The following MOXD1 variants were observed in gnomAD, a reference collection of about 807,000 sequenced individuals.
MOXD1 encodes the protein DBH-like monooxygenase protein 1.
Under a neutral mutation model 66.6 loss-of-function variants are expected in MOXD1, and 62 were observed. The observed-to-expected ratio is 0.93, with a 90% CI of 0.76 to 1.15. The LOEUF (loss-of-function observed/expected upper bound fraction) is 1.15, where lower values mean the gene tolerates loss of function less well. Among genes scored for constraint, MOXD1 ranks in the 50% most tolerant of loss-of-function variants. The pLI, the probability that MOXD1 is intolerant of heterozygous loss-of-function variation, is 0.00. For synonymous variants in MOXD1, 303 were observed against 281.9 expected, an observed-to-expected ratio of 1.07 and a Z score of -0.75; for missense variants, 847 against 754.6, an observed-to-expected ratio of 1.12 and a Z score of -1.44.
intron 4 of MOXD1, among the ~76,000 whole-genome samples, chr6:132,332,696 C>T (rs772632913): frequency 5.9e-5 from 9 of 152,184 alleles, no homozygotes; most frequent in Non-Finnish European, 7.3e-5. Flanking sequence ...CAATGCTTCA[C>T]GCCATGCTTA....
intron 1 of MOXD1, chr6:132,392,122 G>C: frequency 6.9e-7 from 1 of 1,442,098 alleles, no homozygotes; most frequent in Non-Finnish European, 9.2e-7. Flanking sequence ...TTTCTTTGTC[G>C]CCGTTGGCTG....
chr6:132,314,108 A>T (rs1012361776), intron 10 of MOXD1, among the ~76,000 whole-genome samples: 1 of 152,202 alleles, frequency 6.6e-6, no homozygotes, highest in African/African-American at 2.4e-5. Context: ...GTAAGAATAG[A>T]TACATCAACC....
intron 6 of MOXD1, among the ~76,000 whole-genome samples, chr6:132,325,577 C>T (rs1430361297): frequency 6.6e-6 from 1 of 152,176 alleles, no homozygotes; most frequent in Non-Finnish European, 1.5e-5. Flanking sequence ...GTACCTTGTA[C>T]TTGTACTTCT....
Position 132,322,771 on chromosome 6 carries a change from C to T in MOXD1, c.1213G>A (p.Gly405Arg). The change falls in exon 8 of 12, where the codon GGG becomes AGG. Residue 405 changes from glycine to arginine, a missense_variant. Coordinates refer to ENST00000367963, the MANE Select transcript of MOXD1 (RefSeq NM_015529.4). ...RGIRLRHFRK[G>R]KEMKLLAYDD... is the part of the protein sequence containing the mutation. ...TAGGCAAGTAATTTCATTTCCTTCC[C>T]TTTTCGAAAATGACGCAGCCTGATG... 2 of 1,614,042 alleles carry T rather than the reference C, an allele frequency of 1.2e-6. No individual in the cohort carries two copies. The highest frequency in any genetic ancestry group is 3.3e-5 in the Admixed American group (2 of 60,014).
At chr6:132,396,559 A>C (rs1413860005) in intron 1 of MOXD1, among the ~76,000 whole-genome samples, 1 of 28,826 alleles carries the variant, frequency 3.5e-5, no homozygotes, top group Non-Finnish European at 5.1e-5. Context: ...AAACAGAGAC[A>C]AAAAAAATAC....
Position 132,297,152 on chromosome 6 carries a change from A to T in MOXD1, c.*1T>A. On this transcript the variant is annotated 3_prime_UTR_variant, in exon 12 of 12. Transcript: ENST00000367963. ...CATTGTCAAGTCCAACAGAATTTTG[A>T]TCACAAGCTCTTGGTGCTCAGCGTG... 6.2e-7 allele frequency: 1 copy of T among 1,612,824 alleles called. No individual in the cohort carries two copies. Among genetic ancestry groups the T allele is most frequent in the Non-Finnish European group, 8.5e-7 (1 of 1,179,300 alleles).
At chr6:132,314,897 T>A (rs1006932024) in intron 10 of MOXD1, among the ~76,000 whole-genome samples, 1 of 152,212 alleles carries the variant, frequency 6.6e-6, no homozygotes, top group African/African-American at 2.4e-5. Flanking sequence ...ATAGCTCCTA[T>A]AATTGTACCG....
intron 4 of MOXD1, among the ~76,000 whole-genome samples, chr6:132,363,140 A>C (rs1346367424): frequency 6.6e-6 from 1 of 151,862 alleles, no homozygotes; most frequent in Non-Finnish European, 1.5e-5. Flanking sequence ...ACTCAAAAGT[A>C]GTCCAGCAGA....
intron 10 of MOXD1, among the ~76,000 whole-genome samples, chr6:132,309,363 A>T (rs1774771710): frequency 6.6e-6 from 1 of 152,220 alleles, no homozygotes; most frequent in African/African-American, 2.4e-5. Context: ...GCTCAAGGAA[A>T]TAAAAGAGTA....
At chr6:132,353,584 G>C (rs1343167608) in intron 4 of MOXD1, among the ~76,000 whole-genome samples, 9 of 152,020 alleles carry the variant, frequency 5.9e-5, no homozygotes, top group Non-Finnish European at 1.3e-4. Flanking sequence ...TTGTCTCGTA[G>C]GTCTTACACT....
At chr6:132,311,042 A>C (rs1018098908) in intron 10 of MOXD1, among the ~76,000 whole-genome samples, 3 of 152,214 alleles carry the variant, frequency 2.0e-5, no homozygotes, top group Admixed American at 6.5e-5. Context: ...GATGCTCAAC[A>C]CTAAAGTGTA....
chr6:132,377,169 G>A (rs1776407440), intron 1 of MOXD1, among the ~76,000 whole-genome samples: 1 of 152,124 alleles, frequency 6.6e-6, no homozygotes, highest in South Asian at 2.1e-4. Flanking sequence ...CCAAAGTTGA[G>A]GTTTGTCAAA....
intron 4 of MOXD1, among the ~76,000 whole-genome samples, chr6:132,349,153 C>G (rs191803057): frequency 1.3e-5 from 2 of 149,834 alleles, no homozygotes; most frequent in East Asian, 4.0e-4. Context: ...CCCCCAAGTC[C>G]CCAAAGTCCA....
intron 1 of MOXD1, among the ~76,000 whole-genome samples, chr6:132,378,133 C>CA (rs200420133): frequency 1.5e-4 from 23 of 150,608 alleles, no homozygotes; most frequent in African/African-American, 4.4e-4. Flanking sequence ...AACTCCATCT[C>CA]AAAAAAAAAA....
At chr6:132,366,343 A>G (rs560762124) in intron 4 of MOXD1, among the ~76,000 whole-genome samples, 1 of 152,258 alleles carries the variant, frequency 6.6e-6, no homozygotes, top group African/African-American at 2.4e-5. Flanking sequence ...GGTTAAAAAC[A>G]CAAATAACCA....
At chr6:132,317,146 G>T (rs1404286942) in intron 9 of MOXD1, among the ~76,000 whole-genome samples, 2 of 152,108 alleles carry the variant, frequency 1.3e-5, no homozygotes, top group Non-Finnish European at 2.9e-5. Context: ...ATTCACAAGT[G>T]TTGCAAAGGA....
chr6:132,348,001 T>C (rs1014654478), intron 4 of MOXD1, among the ~76,000 whole-genome samples: 7 of 152,138 alleles, frequency 4.6e-5, no homozygotes, highest in Non-Finnish European at 1.0e-4. Flanking sequence ...AGGCTATGGC[T>C]GCATTAAATA....
In MOXD1 at chr6:132,401,181, G is replaced by A. The variant is rs747952943; in HGVS notation, c.246C>T (p.His82=). The change falls in exon 1 of 12, where the codon CAC becomes CAT. Residue 82 remains histidine (H), a synonymous_variant. Transcript: ENST00000367963. Reference sequence around the variant, plus strand: ...CGCTTACCTGGAGGTAGGGCCGCCCGTGGGCCACCCCGCCCACGACGATGT... The same window carrying A: ...CGCTTACCTGGAGGTAGGGCCGCCCATGGGCCACCCCGCCCACGACGATGT... The part of the protein sequence containing the change: ...SADIVVGGVA[H]GRPYLQDYFT... 9.8e-6 allele frequency: 15 copies of A among 1,535,060 alleles called. No homozygotes were observed. In the South Asian group the frequency reaches 1.4e-4, roughly 15 times the overall value.
At chr6:132,392,918 G>A (rs1019154619) in intron 1 of MOXD1, among the ~76,000 whole-genome samples, 4 of 152,122 alleles carry the variant, frequency 2.6e-5, no homozygotes, top group Non-Finnish European at 5.9e-5. Context: ...AGTTTTAAAG[G>A]GCCTGTGGCC....
Sources: allele counts gnomAD v4.1 joint callset (sites outside exome capture counted in the v4.1 genomes callset), GRCh38; gene constraint gnomAD v4.1.1; transcripts MANE v1.5; gene names NCBI Gene and HGNC (gene_info 2026-07-23, HGNC 2026-07-21).